NRXN1: variants seen among roughly 807,000 people sequenced by gnomAD.
The protein encoded by NRXN1 is neurexin 1, also known as neurexin-1.
Under a neutral mutation model 150.9 loss-of-function variants are expected in NRXN1, and 39 were observed. The ratio of observed to expected loss-of-function variants is 0.26; its 90% CI spans 0.20 to 0.34. NRXN1 has a LOEUF of 0.34. Among genes scored for constraint, NRXN1 ranks in the 10% least tolerant of loss-of-function variants. The pLI, the probability that NRXN1 is intolerant of heterozygous loss-of-function variation, is 1.00. For missense variants in NRXN1, 1,815 were observed against 1,949.9 expected, an observed-to-expected ratio of 0.93 and a Z score of 1.30; for synonymous variants, 924 against 757.0, an observed-to-expected ratio of 1.22 and a Z score of -3.62.
chr2:50,230,047 C>G (rs898905643), intron 18 of NRXN1, among the ~76,000 whole-genome samples: 2 of 152,036 alleles, frequency 1.3e-5, no homozygotes, highest in Admixed American at 6.6e-5. Flanking sequence ...GGAGCAGAAT[C>G]AATGGACATG....
rs185903222 is a variant in NRXN1, at chr2:50,308,952, C to G, written c.3365-71982G>C. Among the ~76,000 whole-genome samples, 515 of 152,170 alleles carry G rather than the reference C, an allele frequency of 3.4e-3. 1 individual carries two copies. Among genetic ancestry groups the G allele is most frequent in the Non-Finnish European group, 5.3e-3 (362 of 68,008 alleles). On this transcript the variant is annotated intron_variant, in intron 17 of 22. Coordinates refer to ENST00000401669, the MANE Select transcript of NRXN1 (RefSeq NM_001330078.2). Reference sequence around the variant, plus strand: ...TCGTTAAGGTTTTGTAAGGGTTAAACGAGACATGTTTGTAAAGCACTTAAT... The same window carrying G: ...TCGTTAAGGTTTTGTAAGGGTTAAAGGAGACATGTTTGTAAAGCACTTAAT...
intron 2 of NRXN1, among the ~76,000 whole-genome samples, chr2:51,002,147 T>A (rs941591226): frequency 6.6e-6 from 1 of 152,058 alleles, no homozygotes; most frequent in East Asian, 1.9e-4. Context: ...AAGGCCTCCA[T>A]GTCAAGTAAA....
At chr2:50,683,258 G>A (rs1393424715) in intron 5 of NRXN1, among the ~76,000 whole-genome samples, 5 of 152,004 alleles carry the variant, frequency 3.3e-5, no homozygotes, top group Admixed American at 6.6e-5. Context: ...TGTTGCTCTC[G>A]CATGGAAGTG....
intron 8 of NRXN1, among the ~76,000 whole-genome samples, chr2:50,603,076 C>T (rs1676533572): frequency 1.3e-5 from 2 of 152,198 alleles, no homozygotes; most frequent in African/African-American, 4.8e-5. Flanking sequence ...CACCATACCT[C>T]TCAGAGAATC....
intron 17 of NRXN1, among the ~76,000 whole-genome samples, chr2:50,456,219 C>A (rs2087543586): frequency 6.6e-6 from 1 of 152,066 alleles, no homozygotes; most frequent in Non-Finnish European, 1.5e-5. Context: ...TTTTATGAAA[C>A]TTGTTCCATT....
intron 5 of NRXN1, among the ~76,000 whole-genome samples, chr2:50,807,024 G>C (rs1667597001): frequency 6.6e-6 from 1 of 151,960 alleles, no homozygotes; most frequent in African/African-American, 2.4e-5. Context: ...GAATTCTGGG[G>C]GTAGCATACA....
intron 12 of NRXN1, among the ~76,000 whole-genome samples, chr2:50,511,926 T>C (rs2092466713): frequency 6.6e-6 from 1 of 152,296 alleles, no homozygotes; most frequent in South Asian, 2.1e-4. Flanking sequence ...AAAGGAAATT[T>C]CATGCTATAA....
chr2:51,008,953 C>A (rs1667442842), intron 2 of NRXN1, among the ~76,000 whole-genome samples: 1 of 151,690 alleles, frequency 6.6e-6, no homozygotes, highest in Admixed American at 6.6e-5. Context: ...AAACAAAAAT[C>A]TGAGCTGTAG....
At chr2:50,844,270 G>A (rs947127612) in intron 5 of NRXN1, among the ~76,000 whole-genome samples, 1 of 152,208 alleles carries the variant, frequency 6.6e-6, no homozygotes, top group Admixed American at 6.5e-5. Flanking sequence ...CGTCACCTAA[G>A]TTTCATTATC....
intron 18 of NRXN1, among the ~76,000 whole-genome samples, chr2:50,110,336 A>G (rs1000098591): frequency 6.6e-6 from 1 of 151,476 alleles, no homozygotes; most frequent in Non-Finnish European, 1.5e-5. Context: ...TAAAAATACA[A>G]AAAAAAATAG....
intron 17 of NRXN1, among the ~76,000 whole-genome samples, chr2:50,384,128 TA>T (rs1379224278): frequency 6.6e-6 from 1 of 152,214 alleles, no homozygotes; most frequent in Non-Finnish European, 1.5e-5. Flanking sequence ...TGGATTTTCC[TA>T]AGTGACATCA....
chr2:50,507,487 C>T (rs544750436), intron 12 of NRXN1, among the ~76,000 whole-genome samples: 1 of 151,736 alleles, frequency 6.6e-6, no homozygotes, highest in African/African-American at 2.4e-5. Context: ...ATCGAGTGGG[C>T]AAGAAGTATA....
At chr2:50,200,694 T>A (rs1402420963) in intron 18 of NRXN1, among the ~76,000 whole-genome samples, 1 of 152,156 alleles carries the variant, frequency 6.6e-6, no homozygotes, top group Non-Finnish European at 1.5e-5. Flanking sequence ...CTAGACTGTT[T>A]CTGCAAGAAG....
At chr2:50,288,423 G>T (rs1238722113) in intron 17 of NRXN1, among the ~76,000 whole-genome samples, 1 of 152,058 alleles carries the variant, frequency 6.6e-6, no homozygotes, top group Non-Finnish European at 1.5e-5. Flanking sequence ...GAAACTCTCA[G>T]ATAAAGACAT....
chr2:50,855,682 A>T (rs1675170991), intron 5 of NRXN1, among the ~76,000 whole-genome samples: 1 of 151,988 alleles, frequency 6.6e-6, no homozygotes, highest in Non-Finnish European at 1.5e-5. Flanking sequence ...ATTTAAAATA[A>T]TTTTTTTCTA....
chr2:49,965,927 C>T (rs1676890206), intron 21 of NRXN1, among the ~76,000 whole-genome samples: 1 of 152,222 alleles, frequency 6.6e-6, no homozygotes, highest in African/African-American at 2.4e-5. Flanking sequence ...CCTAAAAATA[C>T]ACACAGTAGG....
chr2:50,924,621 C>A (rs1686587590), intron 3 of NRXN1, among the ~76,000 whole-genome samples: 1 of 151,600 alleles, frequency 6.6e-6, no homozygotes, highest in Non-Finnish European at 1.5e-5. Flanking sequence ...GGTAATATAT[C>A]ATTTTTATCA....
chr2:50,682,605 G>C (rs191983370), intron 5 of NRXN1, among the ~76,000 whole-genome samples: 188 of 152,212 alleles, frequency 1.2e-3, no homozygotes, highest in African/African-American at 4.5e-3. Context: ...GAAGCAGAAA[G>C]GGTAAAAACA....
intron 5 of NRXN1, among the ~76,000 whole-genome samples, chr2:50,911,381 T>C (rs991804478): frequency 2.2e-5 from 3 of 136,034 alleles, no homozygotes; most frequent in Admixed American, 7.6e-5. Context: ...ACTTCCTTTA[T>C]AGTTTTTTTT....
Sources: gnomAD v4.1 joint callset for allele counts (sites outside exome capture counted in the v4.1 genomes callset) on GRCh38, gnomAD v4.1.1 for gene constraint, MANE v1.5 for transcripts, NCBI Gene and HGNC (gene_info 2026-07-23, HGNC 2026-07-21) for gene names.